The following IL1RAPL2 variants were observed in gnomAD, a reference collection of about 807,000 sequenced individuals.
IL1RAPL2 encodes interleukin 1 receptor accessory protein like 2.
IL1RAPL2 carries 3 observed loss-of-function variants against 44.1 expected under a neutral mutation model. The ratio of observed to expected loss-of-function variants is 0.07; its 90% CI spans 0.03 to 0.18. The LOEUF is 0.18. IL1RAPL2 is among the 10% of genes least tolerant of loss of function. The probability of loss-of-function intolerance (pLI) is 1.00; values close to 1 mark genes in which losing one functional copy is unlikely to be tolerated. For missense variants in IL1RAPL2, 391 were observed against 496.4 expected (o/e 0.79, Z 2.02); for synonymous variants, 181 against 178.8 (o/e 1.01, Z -0.10).
In IL1RAPL2 at chrX:104,624,637, T is replaced by G. The variant is rs774826808; in HGVS notation, c.-19-34258T>G. On this transcript the variant is annotated intron_variant, in intron 1 of 10. Coordinates refer to ENST00000372582, the MANE Select transcript of IL1RAPL2 (RefSeq NM_017416.2). ...TCAAAAGGTAAGATGCATTTAGTTT[T>G]GGGCCCACTGTCCTTACTTCCAGAA... Among the ~76,000 whole-genome samples, 89 of 111,978 alleles carry G rather than the reference T, an allele frequency of 7.9e-4. No homozygotes were observed. In the Middle Eastern group the frequency reaches 0.014, roughly 17 times the overall value.
chrX:105,185,842 C>CAAAG (rs2033580285), intron 2 of IL1RAPL2, among the ~76,000 whole-genome samples: 1 of 111,736 alleles, frequency 8.9e-6, no homozygotes, highest in South Asian at 3.7e-4. Context: ...ATTAGTTAAC[C>CAAAG]AAAGCAGTTC....
chrX:105,200,937 A>G (rs185662172), intron 3 of IL1RAPL2, among the ~76,000 whole-genome samples: 1 of 111,146 alleles, frequency 9.0e-6, no homozygotes, highest in African/African-American at 3.3e-5. Context: ...ACACACACAC[A>G]CAAAATTAAA....
intron 2 of IL1RAPL2, among the ~76,000 whole-genome samples, chrX:104,849,640 T>A (rs1922171907): frequency 9.1e-6 from 1 of 109,985 alleles, no homozygotes; most frequent in African/African-American, 3.3e-5. Context: ...GTTTTTAGGT[T>A]GGATTTATAG....
chrX:104,901,982 G>T (rs1019274981), intron 2 of IL1RAPL2, among the ~76,000 whole-genome samples: 1 of 111,937 alleles, frequency 8.9e-6, no homozygotes, highest in Non-Finnish European at 1.9e-5. Context: ...TCCCTATCCT[G>T]TGAAATATTA....
intron 2 of IL1RAPL2, among the ~76,000 whole-genome samples, chrX:104,908,746 T>A (rs1157721298): frequency 3.9e-4 from 43 of 109,360 alleles, no homozygotes; most frequent in Non-Finnish European, 7.3e-4. Context: ...ATTTTTTCCT[T>A]CATTTCAACT....
At chrX:105,682,190 A>C (rs1296365683) in intron 6 of IL1RAPL2, among the ~76,000 whole-genome samples, 2 of 112,407 alleles carry the variant, frequency 1.8e-5, no homozygotes, top group Non-Finnish European at 3.8e-5. Flanking sequence ...TGAAGATTAC[A>C]TCTAAATTAT....
chrX:105,408,464 A>G (rs1246945580), intron 5 of IL1RAPL2, among the ~76,000 whole-genome samples: 1 of 110,418 alleles, frequency 9.1e-6, no homozygotes, highest in African/African-American at 3.3e-5. Context: ...TGGGAGAATG[A>G]CATATCTTTA....
intron 6 of IL1RAPL2, among the ~76,000 whole-genome samples, chrX:105,519,590 T>G (rs1056214524): frequency 3.6e-5 from 4 of 111,219 alleles, no homozygotes; most frequent in Non-Finnish European, 7.5e-5. Context: ...ATTGAAGAGT[T>G]GATGGGTCTT....
intron 6 of IL1RAPL2, among the ~76,000 whole-genome samples, chrX:105,499,781 A>G (rs1395483182): frequency 8.9e-6 from 1 of 112,096 alleles, no homozygotes; most frequent in Non-Finnish European, 1.9e-5. Context: ...TGGCAAAATC[A>G]GAAAGCTTGT....
At chrX:105,169,397 G>GA (rs201320856) in intron 2 of IL1RAPL2, among the ~76,000 whole-genome samples, 5,933 of 86,291 alleles carry the variant, frequency 0.069, 182 homozygotes, top group Non-Finnish European at 0.1. Context: ...CTAATTCAGT[G>GA]AAAAAAAAAA....
At chrX:105,634,172 C>T (rs2037508862) in intron 6 of IL1RAPL2, among the ~76,000 whole-genome samples, 2 of 110,984 alleles carry the variant, frequency 1.8e-5, no homozygotes, top group Admixed American at 1.9e-4. Context: ...ATCATATTGA[C>T]TGACTTTCCT....
intron 2 of IL1RAPL2, among the ~76,000 whole-genome samples, chrX:104,948,915 G>C (rs1233700065): frequency 9.1e-6 from 1 of 110,093 alleles, no homozygotes; most frequent in African/African-American, 3.3e-5. Flanking sequence ...TTTGGTATCA[G>C]GATGATGCTG....
chrX:105,719,378 C>T (rs57744174), intron 7 of IL1RAPL2, among the ~76,000 whole-genome samples: 5,019 of 111,254 alleles, frequency 0.045, 291 homozygotes, highest in African/African-American at 0.15. Flanking sequence ...GGGTGCTTAG[C>T]GCCAGTGGGG....
chrX:104,593,631 C>T (rs971037166), intron 1 of IL1RAPL2, among the ~76,000 whole-genome samples: 4 of 112,241 alleles, frequency 3.6e-5, no homozygotes, highest in Middle Eastern at 4.2e-3. Context: ...CTTCCAAGGA[C>T]TGTTACAAAT....
chrX:105,660,245 A>G (rs2037709837), intron 6 of IL1RAPL2, among the ~76,000 whole-genome samples: 1 of 111,711 alleles, frequency 9.0e-6, no homozygotes, highest in African/African-American at 3.3e-5. Flanking sequence ...TGCTAAAGAA[A>G]AAAAACTGTA....
chrX:105,044,235 G>A (rs2031805268), intron 2 of IL1RAPL2, among the ~76,000 whole-genome samples: 1 of 110,930 alleles, frequency 9.0e-6, no homozygotes, highest in Admixed American at 9.7e-5. Flanking sequence ...CTCAAGTCTT[G>A]TTCCTGTCAT....
chrX:104,876,304 C>T (rs935679862), intron 2 of IL1RAPL2, among the ~76,000 whole-genome samples: 4 of 111,681 alleles, frequency 3.6e-5, no homozygotes, highest in Non-Finnish European at 7.5e-5. Flanking sequence ...GAATTACAGA[C>T]ACAGTTCATG....
chrX:105,329,278 G>A (rs2034967403), intron 5 of IL1RAPL2, among the ~76,000 whole-genome samples: 1 of 111,516 alleles, frequency 9.0e-6, no homozygotes, highest in African/African-American at 3.3e-5. Flanking sequence ...AGTAGAACAT[G>A]AGAATTGGGA....
At chrX:104,876,034 C>T (rs1423710321) in intron 2 of IL1RAPL2, among the ~76,000 whole-genome samples, 2 of 110,511 alleles carry the variant, frequency 1.8e-5, no homozygotes, top group African/African-American at 6.6e-5. Flanking sequence ...CAAGTTGGCT[C>T]GCAATTAGTA....
Sources: gnomAD v4.1 joint callset for allele counts (sites outside exome capture counted in the v4.1 genomes callset) on GRCh38, gnomAD v4.1.1 for gene constraint, MANE v1.5 for transcripts, NCBI Gene and HGNC (gene_info 2026-07-23, HGNC 2026-07-21) for gene names.